DCLK1: variants seen among roughly 807,000 people sequenced by gnomAD.
The protein encoded by DCLK1 is doublecortin like kinase 1.
DCLK1 carries 16 observed loss-of-function variants against 86.2 expected under a neutral mutation model. The ratio of observed to expected loss-of-function variants is 0.19; its 90% CI spans 0.13 to 0.28. The LOEUF is 0.28. DCLK1 is among the 10% of genes least tolerant of loss of function. The probability of loss-of-function intolerance (pLI) is 1.00; values close to 1 mark genes in which losing one functional copy is unlikely to be tolerated. For synonymous variants in DCLK1, 369 were observed against 370.5 expected, an observed-to-expected ratio of 1.00 and a Z score of 0.05; for missense variants, 590 against 940.2, an observed-to-expected ratio of 0.63 and a Z score of 4.87.
rs138495499 is a variant in DCLK1, at chr13:35,772,655, C to T, written c.*1880G>A. 17 of 147,126 alleles carry T rather than the reference C, an allele frequency of 1.2e-4. No homozygotes were observed. Among genetic ancestry groups the T allele is most frequent in the African/African-American group, 2.3e-4 (9 of 39,032 alleles). The allele number at this position is 147,126 out of a possible 1,614,324, so 9.1% of individuals were successfully genotyped here. On this transcript the variant is annotated 3_prime_UTR_variant, in exon 17 of 17. Coordinates refer to ENST00000360631, the MANE Select transcript of DCLK1 (RefSeq NM_001330071.2). ...TTGTGATTTTGCGTGTTATCACTTC[C>T]GGATGCTCTAAAAGGGGGGGAAAAA...
rs1222794339 is a variant in DCLK1 at position 35,903,080 on chromosome 13, T to C, written c.824-31740A>G. ...TCAGCAGCCTTCTCAGTGACAATTATAAACAATTTCTGTAAAACTTCACAC... is the reference window on the plus strand; with the variant it reads ...TCAGCAGCCTTCTCAGTGACAATTACAAACAATTTCTGTAAAACTTCACAC... On this transcript the variant is annotated intron_variant, in intron 4 of 16. Coordinates refer to ENST00000360631, the MANE Select transcript of DCLK1 (RefSeq NM_001330071.2). 2.6e-5 allele frequency among the ~76,000 whole-genome samples: 4 copies of C among 152,282 alleles called. No individual in the cohort carries two copies. The East Asian group carries it at 7.7e-4, about 29-fold the overall frequency.
chr13:35,805,639 G>A, intron 15 of DCLK1, 60 bp downstream of exon 15: 2 of 1,516,732 alleles, frequency 1.3e-6, no homozygotes, highest in South Asian at 1.2e-5. Context: ...TAGAAAATCT[G>A]CAACTGATTT....
intron 3 of DCLK1, among the ~76,000 whole-genome samples, chr13:35,981,967 T>C (rs1566631470): frequency 6.6e-6 from 1 of 152,308 alleles, no homozygotes; most frequent in East Asian, 1.9e-4. Flanking sequence ...TTTCTGATTA[T>C]TTTATGCTAG....
intron 4 of DCLK1, among the ~76,000 whole-genome samples, chr13:35,917,574 A>G (rs1007870521): frequency 3.3e-5 from 5 of 152,230 alleles, no homozygotes; most frequent in African/African-American, 1.2e-4. Context: ...AAAGAAAAAG[A>G]GAAAGCATGC....
intron 15 of DCLK1, 50 bp from the exon 16 acceptor site, chr13:35,793,529 A>G (rs2086746616): frequency 7.0e-7 from 1 of 1,436,316 alleles, no homozygotes; most frequent in Non-Finnish European, 9.5e-7. Context: ...AATGAGATAA[A>G]TGAAAAATGA....
chr13:36,023,450 C>G (rs1881875145), intron 3 of DCLK1, among the ~76,000 whole-genome samples: 2 of 152,058 alleles, frequency 1.3e-5, no homozygotes, highest in South Asian at 4.1e-4. Context: ...TGTTGGAGAC[C>G]CTCTTGCTCA....
At chr13:35,790,230 T>C (rs145825013) in intron 16 of DCLK1, among the ~76,000 whole-genome samples, 1 of 152,320 alleles carries the variant, frequency 6.6e-6, no homozygotes, top group Non-Finnish European at 1.5e-5. Context: ...TGAGTACATG[T>C]TAAACTACTC....
chr13:35,825,662 G>A (rs2087503228), intron 10 of DCLK1, among the ~76,000 whole-genome samples: 1 of 152,134 alleles, frequency 6.6e-6, no homozygotes, highest in African/African-American at 2.4e-5. Flanking sequence ...ATGGCTTGAA[G>A]TTGTTAGTTT....
At chr13:35,844,700 T>A (rs1392499926) in intron 6 of DCLK1, among the ~76,000 whole-genome samples, 1 of 152,190 alleles carries the variant, frequency 6.6e-6, no homozygotes, top group Non-Finnish European at 1.5e-5. Context: ...CCTGCTACAT[T>A]TTATGTTAAA....
intron 11 of DCLK1, among the ~76,000 whole-genome samples, chr13:35,814,560 G>T (rs2153103630): frequency 6.6e-6 from 1 of 152,274 alleles, no homozygotes; most frequent in East Asian, 1.9e-4. Flanking sequence ...AGAACTTTTT[G>T]CCATAACTGT....
At chr13:35,940,099 T>A (rs919342437) in intron 4 of DCLK1, among the ~76,000 whole-genome samples, 5 of 152,034 alleles carry the variant, frequency 3.3e-5, no homozygotes, top group Admixed American at 6.5e-5. Flanking sequence ...CATGTGCCTG[T>A]AGTCCCAGCT....
Position 36,045,355 on chromosome 13 carries a change from T to TAG in DCLK1, c.723+66513_723+66514insCT, listed in dbSNP as rs1352092449. ...GTGTATATATATATATATATATATA[T>TAG]ATATATATATATATATATATATTTC... On this transcript the variant is annotated intron_variant, in intron 3 of 16. Coordinates refer to ENST00000360631, the MANE Select transcript of DCLK1 (RefSeq NM_001330071.2). 3.9e-5 allele frequency among the ~76,000 whole-genome samples: 5 copies of TAG among 129,452 alleles called. No homozygotes were observed. The East Asian group carries it at 1.2e-3, about 30-fold the overall frequency. The allele number at this position is 129,452 out of a possible 152,430, so 84.9% of individuals were successfully genotyped here.
intron 5 of DCLK1, chr13:35,855,514 T>C: frequency 1.2e-6 from 2 of 1,607,276 alleles, no homozygotes; most frequent in Non-Finnish European, 1.7e-6. Context: ...ACTTACCTTC[T>C]ATGAGTTCTA....
chr13:35,959,002 T>TA lies in DCLK1; in HGVS notation c.724-11546dup, dbSNP rs201743502. Among the ~76,000 whole-genome samples the TA allele has an allele frequency of 1.3e-3, 193 of 152,056 alleles. 1 individual carries two copies. The highest frequency in any genetic ancestry group is 3.0e-3 in the African/African-American group (126 of 41,516). ...GTTGAGAGAGATGGCAATAGTAAGA[T>TA]AAAAAAAAGTACAGTTCAAAATGAA... On this transcript the variant is annotated intron_variant, in intron 3 of 16. Coordinates refer to ENST00000360631, the MANE Select transcript of DCLK1 (RefSeq NM_001330071.2).
Position 35,926,572 on chromosome 13 carries a change from T to C in DCLK1, c.823+20786A>G, listed in dbSNP as rs150125993. Reference sequence around the variant, plus strand: ...GCATCCCCCACATTCACTAGCATATTGTTCAGATAAATGTTTGTTAAATAG... The same window carrying C: ...GCATCCCCCACATTCACTAGCATATCGTTCAGATAAATGTTTGTTAAATAG... On this transcript the variant is annotated intron_variant, in intron 4 of 16. Coordinates refer to ENST00000360631, the MANE Select transcript of DCLK1 (RefSeq NM_001330071.2). Among the ~76,000 whole-genome samples, 91 of 152,352 alleles carry C rather than the reference T, an allele frequency of 6.0e-4. 1 individual carries two copies. Among genetic ancestry groups the C allele is most frequent in the African/African-American group, 2.0e-3 (85 of 41,578 alleles).
chr13:36,091,167 C>T (rs969113955), intron 3 of DCLK1, among the ~76,000 whole-genome samples: 3 of 152,088 alleles, frequency 2.0e-5, no homozygotes, highest in African/African-American at 7.2e-5. Flanking sequence ...GTTTCTTTTG[C>T]TGTGCAGAAG....
chr13:36,112,465 G>T (rs910689596), intron 2 of DCLK1, among the ~76,000 whole-genome samples: 1 of 152,112 alleles, frequency 6.6e-6, no homozygotes, highest in Non-Finnish European at 1.5e-5. Flanking sequence ...TCTTAAGGTC[G>T]GTGATAGAAA....
At chr13:35,988,973 T>C (rs1200490381) in intron 3 of DCLK1, among the ~76,000 whole-genome samples, 1 of 152,076 alleles carries the variant, frequency 6.6e-6, no homozygotes, top group Non-Finnish European at 1.5e-5. Context: ...TAAACAACCA[T>C]TGGAAATTGC....
intron 4 of DCLK1, among the ~76,000 whole-genome samples, chr13:35,942,402 G>A (rs942593178): frequency 1.2e-4 from 19 of 152,184 alleles, no homozygotes; most frequent in African/African-American, 4.1e-4. Context: ...TCCTGACTTC[G>A]TGATTCTTCT....
Sources: allele counts gnomAD v4.1 joint callset (sites outside exome capture counted in the v4.1 genomes callset), GRCh38; gene constraint gnomAD v4.1.1; transcripts MANE v1.5; gene names NCBI Gene and HGNC (gene_info 2026-07-23, HGNC 2026-07-21).